AGMO: variants seen among roughly 807,000 people sequenced by gnomAD.
AGMO encodes glyceryl-ether monooxygenase.
In AGMO, 75 loss-of-function variants were observed where a neutral mutation model predicts 60.2. That is an observed-to-expected ratio of 1.25 (90% CI 1.03 to 1.51). AGMO has a LOEUF of 1.51. Among genes scored for constraint, AGMO ranks in the 40% most tolerant of loss-of-function variants. AGMO has a pLI of 0.00. For synonymous variants in AGMO, 261 were observed against 177.1 expected (o/e 1.47, Z -3.76); for missense variants, 763 against 525.5 (o/e 1.45, Z -4.42).
intron 3 of AGMO, among the ~76,000 whole-genome samples, chr7:15,532,848 G>A (rs1337825381): frequency 1.3e-5 from 2 of 152,026 alleles, no homozygotes; most frequent in African/African-American, 4.8e-5. Flanking sequence ...AAAATTAGCC[G>A]AGAATGGTGG....
At chr7:15,551,840 A>C (rs1784969317) in intron 2 of AGMO, among the ~76,000 whole-genome samples, 1 of 152,154 alleles carries the variant, frequency 6.6e-6, no homozygotes, top group Non-Finnish European at 1.5e-5. Flanking sequence ...ATATGGAATC[A>C]AAAAAGAGCC....
At chr7:15,133,211 A>G in the AGMO span, among the ~76,000 whole-genome samples, 12 of 152,248 alleles carry the variant, frequency 7.9e-5, no homozygotes, top group Non-Finnish European at 1.6e-4. Context: ...TATGCTAGGA[A>G]ATGATTGACA....
chr7:15,118,713 T>C, the AGMO span, among the ~76,000 whole-genome samples: 446 of 152,074 alleles, frequency 2.9e-3, 4 homozygotes, highest in Admixed American at 7.6e-3. Context: ...CTCAGCTCAA[T>C]ATGACTAGAT....
chr7:15,454,793 T>C (rs1177157214), intron 3 of AGMO, among the ~76,000 whole-genome samples: 1 of 152,150 alleles, frequency 6.6e-6, no homozygotes, highest in Non-Finnish European at 1.5e-5. Flanking sequence ...TTTACATTTG[T>C]ATCAAAGTAA....
intron 2 of AGMO, among the ~76,000 whole-genome samples, chr7:15,548,041 C>T (rs1208900171): frequency 4.6e-5 from 7 of 150,764 alleles, no homozygotes; most frequent in Non-Finnish European, 7.5e-5. Flanking sequence ...AGGAGGCACC[C>T]CCCAGCAGGG....
At chr7:15,345,069 A>C (rs1468628322) in intron 12 of AGMO, among the ~76,000 whole-genome samples, 1 of 152,162 alleles carries the variant, frequency 6.6e-6, no homozygotes, top group African/African-American at 2.4e-5. Context: ...GTTTTCCTGT[A>C]TTATACCTAC....
intron 12 of AGMO, among the ~76,000 whole-genome samples, chr7:15,290,286 C>G (rs1419497145): frequency 2.0e-5 from 3 of 152,038 alleles, no homozygotes; most frequent in Admixed American, 1.3e-4. Flanking sequence ...CTCGGCCTCC[C>G]GAAGTGTTGG....
At chr7:15,130,909 A>C in the AGMO span, among the ~76,000 whole-genome samples, 1 of 152,154 alleles carries the variant, frequency 6.6e-6, no homozygotes, top group Non-Finnish European at 1.5e-5. Flanking sequence ...CTATTGTTTG[A>C]AATAATTAAC....
intron 12 of AGMO, among the ~76,000 whole-genome samples, chr7:15,261,667 C>G (rs1458611137): frequency 3.3e-5 from 5 of 151,872 alleles, no homozygotes; most frequent in African/African-American, 1.2e-4. Context: ...CAGTATCACC[C>G]TAACATCAAA....
chr7:15,291,867 G>C (rs1416374129), intron 12 of AGMO, among the ~76,000 whole-genome samples: 1 of 152,160 alleles, frequency 6.6e-6, no homozygotes, highest in African/African-American at 2.4e-5. Flanking sequence ...CTTCCTTCTG[G>C]AGAAGAAAGG....
At chr7:15,307,984 T>C (rs762390165) in intron 12 of AGMO, among the ~76,000 whole-genome samples, 13 of 152,006 alleles carry the variant, frequency 8.6e-5, no homozygotes, top group Non-Finnish European at 1.6e-4. Flanking sequence ...CCTAACTCTA[T>C]TCTCTCCCCA....
At chr7:15,181,210 G>GAAA in the AGMO span, among the ~76,000 whole-genome samples, 3 of 152,182 alleles carry the variant, frequency 2.0e-5, no homozygotes, top group African/African-American at 7.2e-5. Context: ...GTTCATTAGA[G>GAAA]AAGAATTCTC....
In AGMO at chr7:15,322,579, TATATAA is replaced by T. The variant is rs1215508140; in HGVS notation, c.1263+42929_1263+42934del. On this transcript the variant is annotated intron_variant, in intron 12 of 12. Coordinates refer to ENST00000342526, the MANE Select transcript of AGMO (RefSeq NM_001004320.2). ...ATAAATATATAAATATATATAAATATATATAAATATATAAATATATATAAATATATA... is the reference window on the plus strand; with the variant it reads ...ATAAATATATAAATATATATAAATATATATATAAATATATATAAATATATA... Among the ~76,000 whole-genome samples, 25 of 42,456 alleles carry T rather than the reference TATATAA, an allele frequency of 5.9e-4. 3 individuals are homozygous for T. The highest frequency in any genetic ancestry group is 1.8e-3 in the African/African-American group (15 of 8,426). The allele number at this position is 42,456 out of a possible 152,430, so 27.9% of individuals were successfully genotyped here.
At chr7:15,403,944 T>C (rs188822103) in intron 5 of AGMO, among the ~76,000 whole-genome samples, 139 of 152,062 alleles carry the variant, frequency 9.1e-4, no homozygotes, top group African/African-American at 3.3e-3. Context: ...TTTCACACTT[T>C]GAAATGCTGG....
At chr7:15,366,276 A>G (rs1475132920) in intron 10 of AGMO, 54 bp from the exon 11 acceptor site, 2 of 1,387,284 alleles carry the variant, frequency 1.4e-6, no homozygotes, top group Admixed American at 1.9e-5. Context: ...GTTAAAAGGT[A>G]CACGAACGGT....
At chr7:15,550,377 A>G (rs1784915241) in intron 2 of AGMO, among the ~76,000 whole-genome samples, 1 of 152,156 alleles carries the variant, frequency 6.6e-6, no homozygotes, top group Non-Finnish European at 1.5e-5. Context: ...TGAATCCAGG[A>G]GCTGGTTTTT....
At chr7:15,446,353 T>C (rs912039590) in intron 3 of AGMO, among the ~76,000 whole-genome samples, 2 of 152,182 alleles carry the variant, frequency 1.3e-5, no homozygotes, top group African/African-American at 4.8e-5. Context: ...CCATCATAAA[T>C]AGATGCAATT....
intron 12 of AGMO, among the ~76,000 whole-genome samples, chr7:15,337,762 C>T (rs1038259117): frequency 2.6e-5 from 4 of 152,174 alleles, no homozygotes; most frequent in Non-Finnish European, 4.4e-5. Context: ...CTGAGTGCAG[C>T]GACTGCTGAG....
intron 12 of AGMO, among the ~76,000 whole-genome samples, chr7:15,360,510 G>A (rs573421696): frequency 2.7e-4 from 41 of 152,258 alleles, no homozygotes; most frequent in Non-Finnish European, 4.0e-4. Flanking sequence ...AAAATGTTAA[G>A]AAAATAATAA....
Sources: gnomAD v4.1 joint callset for allele counts (sites outside exome capture counted in the v4.1 genomes callset) on GRCh38, gnomAD v4.1.1 for gene constraint, MANE v1.5 for transcripts, NCBI Gene and HGNC (gene_info 2026-07-23, HGNC 2026-07-21) for gene names.